Variants in GRIK4 observed in about 807,000 individuals in gnomAD.
GRIK4 encodes glutamate ionotropic receptor kainate type subunit 4.
A neutral mutation model predicts 104.9 loss-of-function variants in GRIK4; 40 were observed. The observed-to-expected ratio is 0.38, with a 90% CI of 0.30 to 0.50. GRIK4 has a LOEUF of 0.50. Ranked by LOEUF, GRIK4 falls within the 20% of genes least tolerant of loss-of-function variation. The probability of loss-of-function intolerance (pLI) is 0.93; values close to 1 mark genes in which losing one functional copy is unlikely to be tolerated. For missense variants in GRIK4, 1,047 were observed against 1,308.1 expected (o/e 0.80, Z 3.08); for synonymous variants, 485 against 524.9 (o/e 0.92, Z 1.04).
At chr11:120,731,065 T>A (rs1284528258) in intron 3 of GRIK4, among the ~76,000 whole-genome samples, 1 of 152,162 alleles carries the variant, frequency 6.6e-6, no homozygotes, top group Non-Finnish European at 1.5e-5. Flanking sequence ...TTCTTTCTCT[T>A]GTCTGATTGC....
At position 120,940,053 on chromosome 11, in the gene GRIK4, A is replaced by C. The variant is rs1943685601; in HGVS notation, c.1477-294A>C. On this transcript the variant is annotated intron_variant, in intron 13 of 20. Coordinates refer to ENST00000527524, the MANE Select transcript of GRIK4 (RefSeq NM_014619.5). This position sits in a 1 kb window ranked among gnomAD's most constrained non-coding sequence, Gnocchi z 4.3. ...TTTCCTCCTCCCAAGCCCCTACCCT[A>C]GGACACTTTGAGACTGTCTCTGAAC... is the stretch of plus-strand genomic sequence containing the variant. Among the ~76,000 whole-genome samples, 1 of 151,990 alleles carries C rather than the reference A, an allele frequency of 6.6e-6. No homozygotes were observed. Among genetic ancestry groups the C allele is most frequent in the Non-Finnish European group, 1.5e-5 (1 of 68,000 alleles).
At chr11:120,950,932 C>T (rs1281393640) in intron 14 of GRIK4, among the ~76,000 whole-genome samples, 2 of 152,182 alleles carry the variant, frequency 1.3e-5, no homozygotes, top group African/African-American at 2.4e-5. Flanking sequence ...CCAGATTTTT[C>T]ATTTTTCCAG....
At chr11:120,861,682 T>G (rs1954266329) in intron 8 of GRIK4, among the ~76,000 whole-genome samples, 1 of 152,162 alleles carries the variant, frequency 6.6e-6, no homozygotes, top group Admixed American at 6.5e-5. Flanking sequence ...CTGCCCCCAC[T>G]AGGCACATGG....
intron 19 of GRIK4, among the ~76,000 whole-genome samples, chr11:120,975,032 A>G (rs1944538500): frequency 6.6e-6 from 1 of 152,244 alleles, no homozygotes; most frequent in African/African-American, 2.4e-5. Flanking sequence ...GTGAACTCCA[A>G]GGAAATTAAA....
chr11:120,870,212 C>G (rs1334976727), intron 9 of GRIK4: 2 of 152,240 alleles, frequency 1.3e-5, no homozygotes, highest in Non-Finnish European at 2.9e-5. Context: ...TCCCTGGGAC[C>G]TGGGGCTGAC....
At chr11:120,636,622 A>G (rs1949399899) in intron 1 of GRIK4, among the ~76,000 whole-genome samples, 1 of 152,148 alleles carries the variant, frequency 6.6e-6, no homozygotes, top group African/African-American at 2.4e-5. Context: ...CCGGTGGATC[A>G]TGAGATCAGG....
intron 1 of GRIK4, among the ~76,000 whole-genome samples, chr11:120,538,163 A>G (rs1237338301): frequency 1.3e-5 from 2 of 152,252 alleles, no homozygotes; most frequent in South Asian, 2.1e-4. Context: ...CTGGAGCGGC[A>G]CGCATCCCAT....
intron 6 of GRIK4, among the ~76,000 whole-genome samples, chr11:120,826,524 T>C (rs1345857870): frequency 3.3e-5 from 5 of 152,206 alleles, no homozygotes; most frequent in Admixed American, 2.0e-4. Context: ...CACTGAAGGT[T>C]ATTCTCAGAG....
At chr11:120,644,559 G>C (rs1748618768) in intron 1 of GRIK4, among the ~76,000 whole-genome samples, 1 of 152,236 alleles carries the variant, frequency 6.6e-6, no homozygotes, top group Admixed American at 6.5e-5. Flanking sequence ...ACCTATGCCA[G>C]TTGCTCCGGA....
chr11:120,893,792 T>C (rs940390103), intron 11 of GRIK4, among the ~76,000 whole-genome samples: 1 of 152,216 alleles, frequency 6.6e-6, no homozygotes, highest in African/African-American at 2.4e-5. Context: ...AGGGTCTTTT[T>C]TTTTCCCCCC....
intron 1 of GRIK4, among the ~76,000 whole-genome samples, chr11:120,624,982 CAT>C (rs1352410362): frequency 1.3e-5 from 2 of 152,154 alleles, no homozygotes; most frequent in Non-Finnish European, 2.9e-5. Flanking sequence ...TTTAAATAAA[CAT>C]GTAAAAATAA....
intron 3 of GRIK4, among the ~76,000 whole-genome samples, chr11:120,678,936 T>G (rs905283225): frequency 2.3e-5 from 1 of 42,618 alleles, no homozygotes. Flanking sequence ...CCTGGCCTGG[T>G]TTTTTTTTTT....
intron 11 of GRIK4, among the ~76,000 whole-genome samples, chr11:120,877,328 G>A (rs1681601990): frequency 6.6e-6 from 1 of 152,210 alleles, no homozygotes; most frequent in African/African-American, 2.4e-5. Flanking sequence ...GGGAAAGGAA[G>A]CTGAAAAAGA....
intron 1 of GRIK4, among the ~76,000 whole-genome samples, chr11:120,589,620 T>C (rs926806080): frequency 1.3e-5 from 2 of 152,130 alleles, no homozygotes; most frequent in Non-Finnish European, 2.9e-5. Flanking sequence ...CACCGTTTGC[T>C]CTGGGAGCAT....
chr11:120,628,454 T>A (rs544619772), intron 1 of GRIK4, among the ~76,000 whole-genome samples: 1 of 152,330 alleles, frequency 6.6e-6, no homozygotes, highest in Non-Finnish European at 1.5e-5. Flanking sequence ...TGGGCCTCCC[T>A]GACCACCAGA....
chr11:120,974,163 C>T (rs1029859145), intron 19 of GRIK4, among the ~76,000 whole-genome samples: 2 of 152,206 alleles, frequency 1.3e-5, no homozygotes, highest in African/African-American at 4.8e-5. Flanking sequence ...CCCCCTTGGC[C>T]TCCCAAAGTG....
rs906023034 is a variant in GRIK4 at position 120,696,484 on chromosome 11, G to C, written c.82+36084G>C. Among the ~76,000 whole-genome samples the C allele has an allele frequency of 7.2e-5, 10 of 138,568 alleles. No homozygotes were observed. The East Asian group carries it at 1.0e-3, about 14-fold the overall frequency. The allele number at this position is 138,568 out of a possible 152,430, so 90.9% of individuals were successfully genotyped here. A position where few individuals can be genotyped will look rare whatever the true frequency, so the allele number is the denominator to read the frequency against. On this transcript the variant is annotated intron_variant, in intron 3 of 20. Coordinates refer to ENST00000527524, the MANE Select transcript of GRIK4 (RefSeq NM_014619.5). ...TGGTTCTAGATAGAGGTGTCAGTGG[G>C]GGGGCATGTGGTAGAGGGGGCTGTG...
chr11:120,724,952 G>A (rs1472732742), intron 3 of GRIK4, among the ~76,000 whole-genome samples: 1 of 152,176 alleles, frequency 6.6e-6, no homozygotes, highest in African/African-American at 2.4e-5. Flanking sequence ...ATATAAGGGT[G>A]CAAACATCTG....
intron 1 of GRIK4, among the ~76,000 whole-genome samples, chr11:120,587,291 C>T (rs1467163744): frequency 6.6e-6 from 1 of 151,924 alleles, no homozygotes; most frequent in Non-Finnish European, 1.5e-5. Flanking sequence ...GAAGGCACCG[C>T]GGCCAGTGTG....
Sources: gnomAD v4.1 joint callset for allele counts (sites outside exome capture counted in the v4.1 genomes callset) on GRCh38, gnomAD v4.1.1 for gene constraint, Gnocchi (gnomAD v3.1) non-coding constraint, MANE v1.5 for transcripts, NCBI Gene and HGNC (gene_info 2026-07-23, HGNC 2026-07-21) for gene names.